AXIN1: variants seen among roughly 807,000 people sequenced by gnomAD.
The protein encoded by AXIN1 is axin 1.
Under a neutral mutation model 76.4 loss-of-function variants are expected in AXIN1, and 30 were observed. That is an observed-to-expected ratio of 0.39 (90% CI 0.29 to 0.53). AXIN1 has a LOEUF of 0.53. Among genes scored for constraint, AXIN1 ranks in the 20% least tolerant of loss-of-function variants. AXIN1 has a pLI of 0.66. For synonymous variants in AXIN1, 545 were observed against 501.4 expected (o/e 1.09, Z -1.16); for missense variants, 1,140 against 1,198.8 (o/e 0.95, Z 0.72).
chr16:305,836 A>G lies in AXIN1; in HGVS notation c.1117-1395T>C, dbSNP rs573554669. Among the ~76,000 whole-genome samples, 475 of 151,880 alleles carry G rather than the reference A, an allele frequency of 3.1e-3. 3 individuals are homozygous for G. Among genetic ancestry groups the G allele is most frequent in the African/African-American group, 0.011 (451 of 41,290 alleles). ...TGGGATTACAGGCGTGAGCCACTGC[A>G]CCCGGCCCCCCTATAGCTTTTTTTA... On this transcript the variant is annotated intron_variant, in intron 4 of 10. Coordinates refer to ENST00000262320, the MANE Select transcript of AXIN1 (RefSeq NM_003502.4).
Position 297,706 on chromosome 16 carries a change from A to G in AXIN1, c.1784+16T>C, listed in dbSNP as rs2141507920. On this transcript the variant is annotated intron_variant, in intron 6 of 10. Transcript: ENST00000262320. ...CTCACCCCAAGCCCCCTCCTCACTG[A>G]CAGGCGCACGCTCACCTGTGGGCGA... 1 of 1,589,852 alleles carries G rather than the reference A, an allele frequency of 6.3e-7. No homozygotes were observed. Among genetic ancestry groups the G allele is most frequent in the South Asian group, 1.1e-5 (1 of 89,412 alleles).
Position 293,758 on chromosome 16 carries a change from C to A in AXIN1, c.1956-40G>T, listed in dbSNP as rs1377340344. 4.4e-6 allele frequency: 7 copies of A among 1,592,104 alleles called. 1 individual carries two copies. The highest frequency in any genetic ancestry group is 6.0e-6 in the Non-Finnish European group (7 of 1,163,468). ...GAACAAGTTGTGACTGTGGCCGACA[C>A]CCTGGCCAGGTGGCCTGGTGGGGCT... On this transcript the variant is annotated intron_variant, in intron 7 of 10. Transcript: ENST00000262320. The surrounding 1 kb of genome is among the most constrained non-coding windows in gnomAD (Gnocchi z 4.6).
rs372530547 is a variant in AXIN1 at position 293,708 on chromosome 16, T to A, written c.1966A>T (p.Thr656Ser). The stretch of plus-strand genomic sequence containing the variant: ...TTCTCATGGGGCTGTGGCTTCCTCG[T>A]CCCCGAAGACCTTGGGGAACAAGAG... The part of the protein sequence containing the change: ...HRRTGHGSSG[T>S]RKPQPHENSR... Residue 656 changes from threonine to serine, a missense_variant, in exon 8 of 11, where the codon ACG becomes TCG. By Grantham distance (58) the Thr-to-Ser change is moderately conservative (BLOSUM62 1). Transcript: ENST00000262320. This position sits in a 1 kb window ranked among gnomAD's most constrained non-coding sequence, Gnocchi z 4.6. The A allele has an allele frequency of 1.7e-5, 28 of 1,613,178 alleles. No individual in the cohort carries two copies. Among genetic ancestry groups the A allele is most frequent in the Non-Finnish European group, 2.3e-5 (27 of 1,179,918 alleles).
At chr16:314,505 C>T (rs1389705713) in intron 3 of AXIN1, 38 bp downstream of exon 3, 4 of 1,612,274 alleles carry the variant, frequency 2.5e-6, no homozygotes, top group Admixed American at 1.7e-5. Flanking sequence ...TTACACACTG[C>T]TGTCCGTGAG....
chr16:320,792 T>A (rs1429953235), intron 2 of AXIN1, among the ~76,000 whole-genome samples: 1 of 141,034 alleles, frequency 7.1e-6, no homozygotes, highest in African/African-American at 2.7e-5. Flanking sequence ...CAGACTGGAG[T>A]GCAGTGGCGC....
chr16:289,049 C>T (rs2052473962), intron 10 of AXIN1, among the ~76,000 whole-genome samples: 3 of 151,612 alleles, frequency 2.0e-5, no homozygotes, highest in South Asian at 2.1e-4. Context: ...AGATGAGGGA[C>T]ATGAGCTGAA....
At chr16:349,239 T>C (rs1459136977) in intron 1 of AXIN1, among the ~76,000 whole-genome samples, 1 of 152,210 alleles carries the variant, frequency 6.6e-6, no homozygotes, top group African/African-American at 2.4e-5. Context: ...TGCTGGGTAG[T>C]ATGTCATCTT....
chr16:334,319 C>A (rs1453115445), intron 2 of AXIN1, among the ~76,000 whole-genome samples: 5 of 150,604 alleles, frequency 3.3e-5, no homozygotes, highest in African/African-American at 1.2e-4. Flanking sequence ...CACCCAGTAC[C>A]ATGGCACGCT....
chr16:312,725 G>A (rs973983681), intron 3 of AXIN1, among the ~76,000 whole-genome samples: 1 of 152,232 alleles, frequency 6.6e-6, no homozygotes, highest in African/African-American at 2.4e-5. Context: ...CTGCCCGGAA[G>A]GGGCAGGGAG....
intron 2 of AXIN1, among the ~76,000 whole-genome samples, chr16:326,372 A>AAATAT (rs1380874299): frequency 6.1e-4 from 53 of 86,464 alleles, no homozygotes; most frequent in East Asian, 5.0e-3. Context: ...AAAAAAAAAA[A>AAATAT]ATATATATAT....
intron 3 of AXIN1, among the ~76,000 whole-genome samples, chr16:310,925 G>A (rs925327887): frequency 3.9e-5 from 6 of 152,244 alleles, no homozygotes; most frequent in African/African-American, 7.2e-5. Context: ...AGTGCCCCAC[G>A]GAAAGATAGG....
At chr16:331,950 C>G (rs1184475424) in intron 2 of AXIN1, among the ~76,000 whole-genome samples, 1 of 152,162 alleles carries the variant, frequency 6.6e-6, no homozygotes, top group African/African-American at 2.4e-5. Context: ...TTCCAGAGAC[C>G]ACGGTGACTA....
chr16:306,756 A>G (rs2053037652), intron 4 of AXIN1, among the ~76,000 whole-genome samples: 1 of 152,244 alleles, frequency 6.6e-6, no homozygotes, highest in Non-Finnish European at 1.5e-5. Flanking sequence ...GTGATGCCTC[A>G]GAGCTGGGAA....
In AXIN1 at chr16:352,312, G is replaced by A. The variant is rs1026231870; in HGVS notation, c.-82+57C>T. 8.7e-5 allele frequency: 83 copies of A among 949,192 alleles called. No homozygotes were observed. The African/African-American group carries it at 1.4e-3, about 16-fold the overall frequency. The allele number at this position is 949,192 out of a possible 1,614,324, so 58.8% of individuals were successfully genotyped here. The stretch of plus-strand genomic sequence containing the variant: ...CACCCGCGCCCCCCGCCGCTTCCGG[G>A]TCCCGCCCGCCCGGCCTACCGCGGC... On this transcript the variant is annotated intron_variant, in intron 1 of 10. Coordinates refer to ENST00000262320, the MANE Select transcript of AXIN1 (RefSeq NM_003502.4).
chr16:309,595 G>A (rs1050015708), intron 4 of AXIN1, among the ~76,000 whole-genome samples: 4 of 152,198 alleles, frequency 2.6e-5, no homozygotes, highest in Admixed American at 1.3e-4. Flanking sequence ...AAAACACCAA[G>A]TTTTCCCCAA....
intron 2 of AXIN1, among the ~76,000 whole-genome samples, chr16:339,984 A>T (rs187197388): frequency 6.7e-6 from 1 of 150,108 alleles, no homozygotes; most frequent in Admixed American, 6.6e-5. Flanking sequence ...GAAACCCAAA[A>T]CCACTCCTCC....
In AXIN1 at chr16:289,749, A is replaced by G. The variant is rs183375246; in HGVS notation, c.2295-142T>C. ...CCCCATTCAAACACCTGGGGCCCGC[A>G]GCCCCCGCACAGCATCTCAATCTGG... On this transcript the variant is annotated intron_variant, in intron 9 of 10. Coordinates refer to ENST00000262320, the MANE Select transcript of AXIN1 (RefSeq NM_003502.4). 9,072 of 998,346 alleles carry G rather than the reference A, an allele frequency of 9.1e-3. 74 individuals are homozygous for G. The highest frequency in any genetic ancestry group is 0.019 in the Middle Eastern group (63 of 3,336). 61.8% of individuals were successfully genotyped at this position (998,346 alleles called of 1,614,324 possible).
intron 1 of AXIN1, among the ~76,000 whole-genome samples, chr16:351,747 A>AATAT (rs955452230): frequency 1.4e-5 from 2 of 140,462 alleles, no homozygotes; most frequent in African/African-American, 5.2e-5. Context: ...CTCTACAAAA[A>AATAT]ATATATATAT....
At chr16:308,758 C>T (rs914546980) in intron 4 of AXIN1, among the ~76,000 whole-genome samples, 4 of 152,204 alleles carry the variant, frequency 2.6e-5, no homozygotes, top group Non-Finnish European at 5.9e-5. Flanking sequence ...CGCACGCACC[C>T]ACACACAGCC....
Sources: gnomAD v4.1 joint callset for allele counts (sites outside exome capture counted in the v4.1 genomes callset) on GRCh38, gnomAD v4.1.1 for gene constraint, Gnocchi (gnomAD v3.1) non-coding constraint, MANE v1.5 for transcripts, NCBI Gene and HGNC (gene_info 2026-07-23, HGNC 2026-07-21) for gene names.